DNAH5: variants seen among roughly 807,000 people sequenced by gnomAD.
DNAH5 encodes dynein axonemal heavy chain 5.
In DNAH5, 372 loss-of-function variants were observed where a neutral mutation model predicts 518.2. That is an observed-to-expected ratio of 0.72 (90% CI 0.66 to 0.78). DNAH5 has a LOEUF of 0.78. DNAH5 is among the 30% of genes least tolerant of loss of function. The pLI is 0.00. For synonymous variants in DNAH5, 2,039 were observed against 2,025.9 expected, an observed-to-expected ratio of 1.01 and a Z score of -0.17; for missense variants, 5,523 against 5,687.0, an observed-to-expected ratio of 0.97 and a Z score of 0.93.
chr5:13,780,755 T>C (rs773845787), intron 53 of DNAH5, 74 bp downstream of exon 53: 13 of 1,535,422 alleles, frequency 8.5e-6, no homozygotes, highest in Non-Finnish European at 1.2e-5. Context: ...GAGAAATGCA[T>C]TTGAACTTCA....
At chr5:13,859,393 A>C (rs1768062988) in intron 30 of DNAH5, 59 bp downstream of exon 30, 5 of 1,571,944 alleles carry the variant, frequency 3.2e-6, no homozygotes, top group Non-Finnish European at 4.4e-6. Flanking sequence ...TTAAGGGGGT[A>C]ATCGCTCTGA....
intron 68 of DNAH5, among the ~76,000 whole-genome samples, chr5:13,734,576 C>T (rs1236297373): frequency 2.0e-5 from 3 of 152,180 alleles, no homozygotes; most frequent in African/African-American, 7.2e-5. Context: ...CTACATCACA[C>T]CAGCCTCACT....
At chr5:13,859,205 GT>G (rs965634420) in intron 30 of DNAH5, among the ~76,000 whole-genome samples, 1 of 151,832 alleles carries the variant, frequency 6.6e-6, no homozygotes, top group Non-Finnish European at 1.5e-5. Context: ...CTTATTTTTT[GT>G]TTTTTTAACC....
intron 1 of DNAH5, among the ~76,000 whole-genome samples, chr5:13,981,058 G>A (rs189004300): frequency 6.6e-6 from 1 of 152,240 alleles, no homozygotes; most frequent in Admixed American, 6.5e-5. Context: ...CCCACTCTCT[G>A]CAACCTTCTC....
chr5:13,901,957 T>A, intron 13 of DNAH5, 96 bp downstream of exon 13: 1 of 963,352 alleles, frequency 1.0e-6, no homozygotes. Context: ...AGGTTTTCCT[T>A]TCCATCAGAA....
intron 24 of DNAH5, among the ~76,000 whole-genome samples, chr5:13,868,445 G>A (rs539121646): frequency 6.6e-6 from 1 of 152,310 alleles, no homozygotes; most frequent in East Asian, 1.9e-4. Context: ...GGTTCCAATA[G>A]TAAGACACAA....
chr5:13,894,445 TG>T (rs1375909414), intron 16 of DNAH5, among the ~76,000 whole-genome samples: 1 of 152,198 alleles, frequency 6.6e-6, no homozygotes, highest in African/African-American at 2.4e-5. Flanking sequence ...GGTTAATCTC[TG>T]GGGATAAAAT....
In DNAH5 at chr5:13,691,868, T is replaced by G; in HGVS notation, c.*116A>C. On this transcript the variant is annotated 3_prime_UTR_variant, in exon 79 of 79. Transcript: ENST00000265104. Reference sequence around the variant, plus strand: ...AAGGAGTGGGGAAAACCTATGCAGCTCATTAATTGCATAAACGACCTAACA... The same window carrying G: ...AAGGAGTGGGGAAAACCTATGCAGCGCATTAATTGCATAAACGACCTAACA... The G allele has an allele frequency of 7.8e-7, 1 of 1,277,530 alleles. No homozygotes were observed. Among genetic ancestry groups the G allele is most frequent in the Non-Finnish European group, 1.1e-6 (1 of 892,206 alleles). The allele number at this position is 1,277,530 out of a possible 1,614,324, so 79.1% of individuals were successfully genotyped here. A position where few individuals can be genotyped will look rare whatever the true frequency, so the allele number is the denominator to read the frequency against.
At chr5:14,000,009 C>A (rs1289622144) in intron 1 of DNAH5, among the ~76,000 whole-genome samples, 1 of 152,224 alleles carries the variant, frequency 6.6e-6, no homozygotes, top group African/African-American at 2.4e-5. Flanking sequence ...ATAATAGGTT[C>A]ATGCATCATA....
At chr5:13,892,690 T>C (rs1237596404) in intron 16 of DNAH5, among the ~76,000 whole-genome samples, 1 of 152,206 alleles carries the variant, frequency 6.6e-6, no homozygotes, top group African/African-American at 2.4e-5. Context: ...AGGAAGGATA[T>C]TACTAAAGTC....
At chr5:13,967,048 G>C (rs1781573962) in intron 1 of DNAH5, among the ~76,000 whole-genome samples, 1 of 152,068 alleles carries the variant, frequency 6.6e-6, no homozygotes, top group South Asian at 2.1e-4. Context: ...TTTTAGTAGA[G>C]ATAGGGTTTT....
intron 70 of DNAH5, among the ~76,000 whole-genome samples, chr5:13,727,282 G>T (rs1579932761): frequency 6.6e-6 from 1 of 152,116 alleles, no homozygotes; most frequent in African/African-American, 2.4e-5. Context: ...TACTCCTATT[G>T]TAGCCATAGG....
intron 32 of DNAH5, among the ~76,000 whole-genome samples, chr5:13,842,487 A>AC: frequency 8.7e-6 from 1 of 115,286 alleles, no homozygotes; most frequent in Admixed American, 8.6e-5. Context: ...AAGAAAGAGA[A>AC]AGAAAAGAAA....
intron 47 of DNAH5, among the ~76,000 whole-genome samples, chr5:13,807,032 T>C (rs928397704): frequency 6.6e-6 from 1 of 152,164 alleles, no homozygotes; most frequent in Non-Finnish European, 1.5e-5. Context: ...CTTGAACCAA[T>C]CATAGCTGGG....
At chr5:13,969,483 T>C (rs1193591329) in intron 1 of DNAH5, among the ~76,000 whole-genome samples, 1 of 152,178 alleles carries the variant, frequency 6.6e-6, no homozygotes, top group Non-Finnish European at 1.5e-5. Context: ...GGCACCACTT[T>C]TGCTGGATCC....
chr5:13,823,765 T>C (rs1762535796), intron 39 of DNAH5, among the ~76,000 whole-genome samples: 1 of 152,216 alleles, frequency 6.6e-6, no homozygotes, highest in Admixed American at 6.5e-5. Flanking sequence ...TAAAAATCTA[T>C]CATTTTGTGA....
In DNAH5 at chr5:13,922,339, G is replaced by T; in HGVS notation, c.439-11C>A. 2 of 1,608,426 alleles carry T rather than the reference G, an allele frequency of 1.2e-6. No individual in the cohort carries two copies. The highest frequency in any genetic ancestry group is 1.1e-5 in the South Asian group (1 of 90,536). ...GTTAAAACTCACCTCCTGGAAAACA[G>T]GCAGGAGATCTTTTATTGTAAAAAT... On this transcript the variant is annotated splice_polypyrimidine_tract_variant and intron_variant, in intron 4 of 78. Transcript: ENST00000265104.
At chr5:13,725,589 C>T (rs1443909294) in intron 70 of DNAH5, among the ~76,000 whole-genome samples, 2 of 152,212 alleles carry the variant, frequency 1.3e-5, no homozygotes, top group Non-Finnish European at 2.9e-5. Flanking sequence ...CCCAATGCAA[C>T]AGATTCAGCC....
In DNAH5 at chr5:13,768,967, G is replaced by A; in HGVS notation, c.9890C>T (p.Ala3297Val). The change falls in exon 58 of 79, where the codon GCA becomes GTA. Residue 3297 changes from alanine (A) to valine (V), a missense_variant. This residue lies in a region of DNAH5 where 5,121 missense variants were observed against 5,223.3 expected (regional missense o/e 0.98). Coordinates refer to ENST00000265104, the MANE Select transcript of DNAH5 (RefSeq NM_001369.3). The stretch of plus-strand genomic sequence containing the variant: ...TATATCACATAGATGCACCTGCAAT[G>A]CAGCTTCTGCCTCTTCTAAAGCTGG... ...AKPALEEAEA[A>V]LQTIRPSDIA... 1 of 1,614,156 alleles carries A rather than the reference G, an allele frequency of 6.2e-7. No homozygotes were observed. Among genetic ancestry groups the A allele is most frequent in the Non-Finnish European group, 8.5e-7 (1 of 1,179,996 alleles).
Sources: gnomAD v4.1 joint callset for allele counts (sites outside exome capture counted in the v4.1 genomes callset) on GRCh38, gnomAD v4.1.1 for gene constraint, gnomAD v4.1.1 regional missense constraint, MANE v1.5 for transcripts, NCBI Gene and HGNC (gene_info 2026-07-23, HGNC 2026-07-21) for gene names.